Variants in ADAP1 observed in about 807,000 individuals in gnomAD.
ADAP1 encodes the protein arf-GAP with dual PH domain-containing protein 1.
Under a neutral mutation model 54.9 loss-of-function variants are expected in ADAP1, and 31 were observed. The observed-to-expected ratio is 0.56, with a 90% CI of 0.42 to 0.76. ADAP1 has a LOEUF of 0.76. Ranked by LOEUF, ADAP1 falls within the 30% of genes least tolerant of loss-of-function variation. ADAP1 has a pLI of 0.00. For missense variants in ADAP1, 535 were observed against 512.4 expected (o/e 1.04, Z -0.42); for synonymous variants, 313 against 202.6 (o/e 1.55, Z -4.63).
chr7:944,211 C>T (rs1847082106), intron 1 of ADAP1, among the ~76,000 whole-genome samples: 1 of 151,902 alleles, frequency 6.6e-6, no homozygotes, highest in Non-Finnish European at 1.5e-5. Context: ...GCCACTTCGC[C>T]TAACCAAGTC....
intron 1 of ADAP1, among the ~76,000 whole-genome samples, chr7:951,792 G>A (rs1035609357): frequency 6.6e-6 from 1 of 152,214 alleles, no homozygotes; most frequent in Non-Finnish European, 1.5e-5. Flanking sequence ...GATGGCCTGA[G>A]ACTCAAAGAG....
intron 9 of ADAP1, 67 bp from the exon 10 acceptor site, chr7:899,328 A>C: frequency 6.2e-7 from 1 of 1,605,750 alleles, no homozygotes; most frequent in Non-Finnish European, 8.5e-7. Context: ...TCAGGCCAGG[A>C]CTCGGGAGGC....
chr7:899,631 G>T, intron 8 of ADAP1, 141 bp from the exon 9 acceptor site: 1 of 887,624 alleles, frequency 1.1e-6, no homozygotes, highest in Non-Finnish European at 1.7e-6. Context: ...CGCTGGCCAC[G>T]CCCCACGAGG....
chr7:912,659 T>C (rs1227036738), intron 4 of ADAP1, among the ~76,000 whole-genome samples: 1 of 152,242 alleles, frequency 6.6e-6, no homozygotes, highest in African/African-American at 2.4e-5. Context: ...CACAGGTTAC[T>C]GCAACGTGCA....
chr7:932,258 C>T (rs1202282669), intron 2 of ADAP1, among the ~76,000 whole-genome samples: 3 of 152,164 alleles, frequency 2.0e-5, no homozygotes, highest in African/African-American at 7.2e-5. Context: ...ACGGTGGGCC[C>T]TCCCCAGCCT....
rs1846124266 is a variant in ADAP1 at position 920,000 on chromosome 7, A to G, written c.356T>C (p.Ile119Thr). 5 of 1,607,302 alleles carry G rather than the reference A, an allele frequency of 3.1e-6. No homozygotes were observed. The highest frequency in any genetic ancestry group is 3.4e-6 in the Non-Finnish European group (4 of 1,179,384). The change falls in exon 4 of 11, where the codon ATC (isoleucine) becomes ACC (threonine). Residue 119 changes from isoleucine to threonine, a missense_variant. Ile to Thr is a moderately conservative substitution (Grantham distance 89). Coordinates refer to ENST00000265846, the MANE Select transcript of ADAP1 (RefSeq NM_006869.4). ...IRAKYERQEF[I>T]YPEKQEPYSA... ...GTAGGGCTCCTGCTTCTCCGGGTAG[A>G]TGAACTCCTGTCGCTCGTACTTGGC...
intron 1 of ADAP1, among the ~76,000 whole-genome samples, chr7:951,905 G>C (rs561594546): frequency 1.3e-5 from 2 of 152,020 alleles, no homozygotes; most frequent in South Asian, 2.1e-4. Flanking sequence ...GGCCTCAAGC[G>C]ATCCTCCGGC....
rs1174055534 is a variant in ADAP1, at chr7:905,810, A to AGGAGAAGGGAGAAGGGAGAAG, written c.389-659_389-639dup. On this transcript the variant is annotated intron_variant, in intron 4 of 10. Coordinates refer to ENST00000265846, the MANE Select transcript of ADAP1 (RefSeq NM_006869.4). Reference sequence around the variant, plus strand: ...AGAAAGGAGAAAGGAGAAAGGAGAAAGGAGAAGGGAGAAGGGAGAAGGGAG... The same window carrying AGGAGAAGGGAGAAGGGAGAAG: ...AGAAAGGAGAAAGGAGAAAGGAGAAAGGAGAAGGGAGAAGGGAGAAGGGAGAAGGGAGAAGGGAGAAGGGAG... 2.9e-3 allele frequency among the ~76,000 whole-genome samples: 85 copies of AGGAGAAGGGAGAAGGGAGAAG among 29,744 alleles called. 14 individuals carry two copies. Among genetic ancestry groups the AGGAGAAGGGAGAAGGGAGAAG allele is most frequent in the Admixed American group, 5.6e-3 (13 of 2,330 alleles). The allele number at this position is 29,744 out of a possible 152,430, so 19.5% of individuals were successfully genotyped here.
Position 898,799 on chromosome 7 carries a change from C to T in ADAP1, c.*122G>A. ...GAAGCTCGGGCCCTACCTGGCCGCG[C>T]CGGGCTGCCCTGAGGAGCAGGTGGG... On this transcript the variant is annotated 3_prime_UTR_variant, in exon 11 of 11. Transcript: ENST00000265846. 7.2e-7 allele frequency: 1 copy of T among 1,394,794 alleles called. No homozygotes were observed. The highest frequency in any genetic ancestry group is 1.2e-5 in the South Asian group (1 of 80,008). 86.4% of individuals were successfully genotyped at this position (1,394,794 alleles called of 1,614,324 possible).
chr7:919,648 GAC>G (rs1163986731), intron 4 of ADAP1, among the ~76,000 whole-genome samples: 4 of 116,784 alleles, frequency 3.4e-5, no homozygotes, highest in African/African-American at 1.4e-4. Context: ...GAGAAACAGA[GAC>G]ACAGAGAGAT....
intron 1 of ADAP1, among the ~76,000 whole-genome samples, chr7:954,085 C>A (rs1210719573): frequency 6.6e-6 from 1 of 151,958 alleles, no homozygotes; most frequent in Non-Finnish European, 1.5e-5. Flanking sequence ...GCTTTCGCAA[C>A]GCGGCGGGCG....
In ADAP1 at chr7:898,536, G is replaced by C. The variant is rs535696157; in HGVS notation, c.*385C>G. On this transcript the variant is annotated 3_prime_UTR_variant, in exon 11 of 11. Coordinates refer to ENST00000265846, the MANE Select transcript of ADAP1 (RefSeq NM_006869.4). The stretch of plus-strand genomic sequence containing the variant: ...CCCCAGCGGCCGGCAGCTGCCCACC[G>C]TGCTGGCCCCAAGCAGGGCTCTGCG... The C allele has an allele frequency of 4.8e-5, 15 of 311,366 alleles. No homozygotes were observed. The highest frequency in any genetic ancestry group is 3.2e-4 in the African/African-American group (15 of 46,768). 19.3% of individuals were successfully genotyped at this position (311,366 alleles called of 1,614,324 possible).
intron 4 of ADAP1, among the ~76,000 whole-genome samples, chr7:917,525 C>G (rs1845985593): frequency 1.3e-5 from 2 of 152,024 alleles, no homozygotes; most frequent in East Asian, 3.9e-4. Context: ...AGTGCAGAGG[C>G]GCAATCTCGG....
Position 920,994 on chromosome 7 carries a change from G to C in ADAP1, c.306-944C>G. Reference sequence around the variant, plus strand: ...GCCCACAGGATCTGATGGGTGATGGGTCCCAGCTGGGTCTCTGGCCCCTGG... The same window carrying C: ...GCCCACAGGATCTGATGGGTGATGGCTCCCAGCTGGGTCTCTGGCCCCTGG... On this transcript the variant is annotated intron_variant, in intron 3 of 10. Coordinates refer to ENST00000265846, the MANE Select transcript of ADAP1 (RefSeq NM_006869.4). This position sits in a 1 kb window ranked among gnomAD's most constrained non-coding sequence, Gnocchi z 4.5. 4 of 843,258 alleles carry C rather than the reference G, an allele frequency of 4.7e-6. No homozygotes were observed. Among genetic ancestry groups the C allele is most frequent in the Non-Finnish European group, 7.4e-6 (4 of 543,104 alleles). The allele number at this position is 843,258 out of a possible 1,614,324, so 52.2% of individuals were successfully genotyped here.
chr7:921,215 C>T (rs1262599948), intron 3 of ADAP1, among the ~76,000 whole-genome samples: 1 of 152,148 alleles, frequency 6.6e-6, no homozygotes, highest in African/African-American at 2.4e-5. Context: ...CGCCAGTGCC[C>T]CCACCTCGGC....
At chr7:949,040 G>C (rs889240739) in intron 1 of ADAP1, among the ~76,000 whole-genome samples, 1 of 152,202 alleles carries the variant, frequency 6.6e-6, no homozygotes, top group Non-Finnish European at 1.5e-5. Flanking sequence ...TTGTCCCCAA[G>C]TGCCATCACC....
chr7:906,499 GA>G (rs1288433359), intron 4 of ADAP1, among the ~76,000 whole-genome samples: 10 of 15,632 alleles, frequency 6.4e-4, no homozygotes, highest in East Asian at 6.9e-3. Flanking sequence ...AGGGAAAGGA[GA>G]AAGGGAGAAA....
At chr7:953,281 C>T (rs1006975315) in intron 1 of ADAP1, among the ~76,000 whole-genome samples, 5 of 152,218 alleles carry the variant, frequency 3.3e-5, no homozygotes, top group African/African-American at 9.7e-5. Flanking sequence ...CCAGAAAAGC[C>T]TGTCGCTATC....
intron 1 of ADAP1, among the ~76,000 whole-genome samples, chr7:952,895 A>G (rs1201791221): frequency 1.3e-5 from 2 of 151,992 alleles, no homozygotes; most frequent in African/African-American, 4.8e-5. Context: ...ACCTGCACCC[A>G]CTGGGAGGGG....
Sources: gnomAD v4.1 joint callset for allele counts (sites outside exome capture counted in the v4.1 genomes callset) on GRCh38, gnomAD v4.1.1 for gene constraint, Gnocchi (gnomAD v3.1) non-coding constraint, MANE v1.5 for transcripts, NCBI Gene and HGNC (gene_info 2026-07-23, HGNC 2026-07-21) for gene names.